IDI1: variants seen among roughly 807,000 people sequenced by gnomAD.
IDI1 encodes the protein isopentenyl-diphosphate Delta-isomerase 1.
Under a neutral mutation model 32.9 loss-of-function variants are expected in IDI1, and 23 were observed. The ratio of observed to expected loss-of-function variants is 0.70; its 90% CI spans 0.50 to 0.99. The LOEUF is 0.99. IDI1 is among the 50% of genes least tolerant of loss of function. The pLI is 0.00. For missense variants in IDI1, 326 were observed against 351.9 expected, an observed-to-expected ratio of 0.93 and a Z score of 0.59; for synonymous variants, 133 against 128.2, an observed-to-expected ratio of 1.04 and a Z score of -0.25.
chr10:1,041,809 CTTT>C (rs71297913), intron 4 of IDI1, among the ~76,000 whole-genome samples: 4 of 134,720 alleles, frequency 3.0e-5, no homozygotes, highest in Non-Finnish European at 4.8e-5. Flanking sequence ...TCTTTTTCTT[CTTT>C]TTTTTTTTTT....
chr10:1,050,221 C>G (rs559891600), upstream of IDI1, among the ~76,000 whole-genome samples: 28 of 152,314 alleles, frequency 1.8e-4, no homozygotes, highest in South Asian at 5.8e-3. Context: ...ACACACGACA[C>G]TAACATAAGT....
intron 1 of IDI1, among the ~76,000 whole-genome samples, chr10:1,044,642 C>A (rs1832744638): frequency 6.6e-6 from 1 of 152,118 alleles, no homozygotes; most frequent in African/African-American, 2.4e-5. Context: ...GGTTGAAATC[C>A]ATTTTTTCAA....
intron 2 of IDI1, 96 bp from the exon 3 acceptor site, chr10:1,043,489 G>T (rs1037304993): frequency 2.5e-6 from 2 of 790,786 alleles, no homozygotes; most frequent in Non-Finnish European, 4.5e-6. Flanking sequence ...GTAACTTGCT[G>T]CTGCTTTTGC....
At position 1,048,962 on chromosome 10, in the gene IDI1, C is replaced by A; in HGVS notation, c.42G>T (p.Ala14=). ...CCGCCCACTGGCCCCGCCCCCGGGC[C>A]GCGCAGCCAATCGCTCGCGCCAGCG... The part of the protein sequence containing the change: ...GLALARAIGC[A]ARGRGQWAVR... The change falls in exon 1 of 5, where the codon GCG becomes GCT. Residue 14 remains alanine (A), a synonymous_variant. Coordinates refer to ENST00000381344, the MANE Select transcript of IDI1 (RefSeq NM_004508.4). 4 of 1,556,430 alleles carry A rather than the reference C, an allele frequency of 2.6e-6. No individual in the cohort carries two copies. The highest frequency in any genetic ancestry group is 3.5e-6 in the Non-Finnish European group (4 of 1,155,466).
intron 1 of IDI1, among the ~76,000 whole-genome samples, chr10:1,044,868 G>C (rs1222004165): frequency 2.0e-5 from 3 of 152,198 alleles, no homozygotes; most frequent in Non-Finnish European, 4.4e-5. Flanking sequence ...GCAGTGCTTG[G>C]CAAGTTTTTT....
At chr10:1,053,146 C>T (rs1010382649), upstream of IDI1, among the ~76,000 whole-genome samples, 1 of 152,138 alleles carries the variant, frequency 6.6e-6, no homozygotes, top group African/African-American at 2.4e-5. Flanking sequence ...GGACTACAGG[C>T]GTGTGCCACC....
chr10:1,043,772 C>G (rs1832701700), intron 2 of IDI1: 1 of 673,234 alleles, frequency 1.5e-6, no homozygotes, highest in Non-Finnish European at 2.7e-6. Flanking sequence ...TCTATGAATC[C>G]AGAATAACTC....
Position 1,043,357 on chromosome 10 carries a change from T to C in IDI1, c.350A>G (p.Asn117Ser). 1 of 1,611,384 alleles carries C rather than the reference T, an allele frequency of 6.2e-7. No homozygotes were observed. The highest frequency in any genetic ancestry group is 1.7e-4 in the Middle Eastern group (1 of 6,048). The change falls in exon 3 of 5, where the codon AAC becomes AGC. Residue 117 changes from asparagine to serine, a missense_variant. Physicochemically the swap from Asn to Ser is conservative, Grantham distance 46 (BLOSUM62 1). Coordinates refer to ENST00000381344, the MANE Select transcript of IDI1 (RefSeq NM_004508.4). ...CTGTAGCAGAAGCTTATTTTCGGTGTTGAATAAGAAGACACTAAAAGCTCG... is the reference window on the plus strand; with the variant it reads ...CTGTAGCAGAAGCTTATTTTCGGTGCTGAATAAGAAGACACTAAAAGCTCG... ...LHRAFSVFLF[N>S]TENKLLLQQR...
rs755853598 is a variant in IDI1 at position 1,048,901 on chromosome 10, G to A, written c.103C>T (p.Pro35Ser). ...CGGCCACAGACAACCGCCGGTCCCG[G>A]ATGGCGCCCGCTTTGAGCACAGTCT... ...AADCAQSGRH[P>S]GPAVVCGRRL... is the part of the protein sequence containing the mutation. The change falls in exon 1 of 5, where the codon CCG becomes TCG. Residue 35 changes from proline (P) to serine (S), a missense_variant. By Grantham distance (74) the Pro-to-Ser change is moderately conservative. Around this residue, in one of 2 missense-constraint regions of IDI1, gnomAD observed 121 missense variants for 78.4 expected, o/e 1.54. Transcript: ENST00000381344. The A allele has an allele frequency of 4.4e-5, 70 of 1,606,552 alleles. 1 individual carries two copies. Among genetic ancestry groups the A allele is most frequent in the Non-Finnish European group, 5.8e-5 (68 of 1,177,854 alleles).
chr10:1,045,206 G>C, intron 1 of IDI1, among the ~76,000 whole-genome samples: 1 of 152,192 alleles, frequency 6.6e-6, no homozygotes, highest in East Asian at 1.9e-4. Context: ...ACAACGTAAA[G>C]CACTTATTAG....
chr10:1,045,386 AT>A (rs1832771024), intron 1 of IDI1, among the ~76,000 whole-genome samples: 1 of 151,580 alleles, frequency 6.6e-6, no homozygotes, highest in African/African-American at 2.4e-5. Flanking sequence ...TTGTTTTCTG[AT>A]TTTTCTACCC....
At chr10:1,048,488 A>G (rs542559641) in intron 1 of IDI1, 14 of 1,243,368 alleles carry the variant, frequency 1.1e-5, no homozygotes, top group Non-Finnish European at 1.4e-5. Context: ...GATGCTGTCT[A>G]CGCTTGTTTC....
chr10:1,046,400 C>T (rs1352144908), intron 1 of IDI1, among the ~76,000 whole-genome samples: 2 of 152,206 alleles, frequency 1.3e-5, no homozygotes, highest in Non-Finnish European at 2.9e-5. Context: ...CCACATTATT[C>T]AGCACAGTCA....
At chr10:1,048,220 C>A (rs1295808211) in intron 1 of IDI1, 1 of 1,296,670 alleles carries the variant, frequency 7.7e-7, no homozygotes, top group South Asian at 1.2e-5. Flanking sequence ...GCTGCATAAT[C>A]ACAAGATAAA....
the IDI1 span, among the ~76,000 whole-genome samples, chr10:1,054,248 G>A: frequency 3.3e-5 from 5 of 152,154 alleles, no homozygotes; most frequent in East Asian, 5.8e-4. Flanking sequence ...TATGATACCT[G>A]TGAAGTGCAA....
In IDI1 at chr10:1,044,104, G is replaced by C; in HGVS notation, c.208C>G (p.Gln70Glu). Residue 70 changes from glutamine (Q) to glutamate (E), a missense_variant, in exon 2 of 5, where the codon CAG (glutamine) becomes GAG (glutamate). Coordinates refer to ENST00000381344, the MANE Select transcript of IDI1 (RefSeq NM_004508.4). ...CACATCTCTGCCAGGAGTTGAACCT[G>C]TTGCTTGTCGAGGTGGTTAGTGTTT... ...EINTNHLDKQQVQLLAEMCIL... is the reference protein window; with the variant it reads ...EINTNHLDKQEVQLLAEMCIL... 1 of 1,613,690 alleles carries C rather than the reference G, an allele frequency of 6.2e-7. No individual in the cohort carries two copies.
upstream of IDI1, among the ~76,000 whole-genome samples, chr10:1,052,748 G>A (rs1001743449): frequency 5.3e-5 from 8 of 152,164 alleles, no homozygotes; most frequent in Non-Finnish European, 7.3e-5. Flanking sequence ...AGGACTCTAG[G>A]ATTTTCAGAA....
chr10:1,043,365 G>A lies in IDI1; in HGVS notation c.342C>T (p.Phe114=), dbSNP rs765695957. ...KGLLHRAFSV[F]LFNTENKLLL... ...GAAGCTTATTTTCGGTGTTGAATAA[G>A]AAGACACTAAAAGCTCGATGCAATA... The change falls in exon 3 of 5, where the codon TTC becomes TTT. Residue 114 remains phenylalanine (F), a synonymous_variant. Coordinates refer to ENST00000381344, the MANE Select transcript of IDI1 (RefSeq NM_004508.4). 91 of 1,610,002 alleles carry A rather than the reference G, an allele frequency of 5.7e-5. 1 individual carries two copies. The Admixed American group carries it at 1.2e-3, about 22-fold the overall frequency.
At chr10:1,044,224 C>A in intron 1 of IDI1, 53 bp from the exon 2 acceptor site, 2 of 1,353,842 alleles carry the variant, frequency 1.5e-6, no homozygotes, top group Non-Finnish European at 2.1e-6. Flanking sequence ...TTCTGAATGT[C>A]ATATAAACAC....
Sources: allele counts gnomAD v4.1 joint callset (sites outside exome capture counted in the v4.1 genomes callset), GRCh38; gene constraint gnomAD v4.1.1; regional missense constraint gnomAD v4.1.1; transcripts MANE v1.5; gene names NCBI Gene and HGNC (gene_info 2026-07-23, HGNC 2026-07-21).